Variants in MAPK14 observed in about 807,000 individuals in gnomAD.
MAPK14 encodes CSAID-binding protein.
A neutral mutation model predicts 49.6 loss-of-function variants in MAPK14; 16 were observed. The observed-to-expected ratio is 0.32, with a 90% CI of 0.22 to 0.49. The LOEUF (loss-of-function observed/expected upper bound fraction) is 0.49, where lower values mean the gene tolerates loss of function less well. MAPK14 is among the 20% of genes least tolerant of loss of function. The pLI, the probability that MAPK14 is intolerant of heterozygous loss-of-function variation, is 0.99. For missense variants in MAPK14, 200 were observed against 441.2 expected (o/e 0.45, Z 4.90); for synonymous variants, 142 against 158.0 (o/e 0.90, Z 0.76).
intron 1 of MAPK14, among the ~76,000 whole-genome samples, chr6:36,042,741 T>G (rs1055227333): frequency 2.0e-4 from 31 of 151,816 alleles, no homozygotes; most frequent in Non-Finnish European, 2.8e-4. Context: ...AGCTCAAGCT[T>G]CCTCCTGCCT....
Position 36,052,683 on chromosome 6 carries a change from C to A in MAPK14, c.117-16C>A, listed in dbSNP as rs903346549. On this transcript the variant is annotated splice_polypyrimidine_tract_variant and intron_variant, in intron 1 of 11. Transcript: ENST00000229794. ...CAGCTTTTTAATGGTGGGTTTTTTC[C>A]CTTTTTTCTCCTTAGTGCTGCTTTT... 3 of 1,579,162 alleles carry A rather than the reference C, an allele frequency of 1.9e-6. No individual in the cohort carries two copies. Among genetic ancestry groups the A allele is most frequent in the Non-Finnish European group, 2.6e-6 (3 of 1,166,936 alleles).
At chr6:36,053,905 A>G (rs1316946623) in intron 2 of MAPK14, among the ~76,000 whole-genome samples, 7 of 151,790 alleles carry the variant, frequency 4.6e-5, no homozygotes, top group African/African-American at 1.7e-4. Context: ...TTATTTTCAC[A>G]TTTTATTTTG....
chr6:36,087,044 C>G (rs1191832591), intron 8 of MAPK14, among the ~76,000 whole-genome samples: 2 of 152,160 alleles, frequency 1.3e-5, no homozygotes, highest in African/African-American at 4.8e-5. Flanking sequence ...AAGGCAAAAA[C>G]CACATGATTA....
chr6:36,093,659 C>G (rs1424028555), intron 8 of MAPK14, among the ~76,000 whole-genome samples: 1 of 139,930 alleles, frequency 7.1e-6, no homozygotes, highest in African/African-American at 2.7e-5. Flanking sequence ...GTGGAACTTG[C>G]AGTGAGCCGA....
At chr6:36,102,922 A>G (rs16884906) in intron 10 of MAPK14, among the ~76,000 whole-genome samples, 20,951 of 152,158 alleles carry the variant, frequency 0.14, 1,751 homozygotes, top group African/African-American at 0.24. Flanking sequence ...ATGTTGAGAG[A>G]AAAGATTGGT....
intron 1 of MAPK14, chr6:36,029,079 A>G (rs1293925404): frequency 6.6e-6 from 1 of 152,128 alleles, no homozygotes; most frequent in African/African-American, 2.4e-5. Context: ...TGTTCGACAA[A>G]ACAATTTTCT....
downstream of MAPK14, among the ~76,000 whole-genome samples, chr6:36,115,049 C>T (rs1197653275): frequency 6.6e-6 from 1 of 152,132 alleles, no homozygotes; most frequent in Admixed American, 6.5e-5. Flanking sequence ...CTTCTGAGGA[C>T]AAATGGTCCT....
intron 1 of MAPK14, among the ~76,000 whole-genome samples, chr6:36,045,233 C>A (rs1430125828): frequency 6.6e-6 from 1 of 152,066 alleles, no homozygotes; most frequent in African/African-American, 2.4e-5. Context: ...CTGATGGATG[C>A]TCTAAAAAGA....
intron 8 of MAPK14, among the ~76,000 whole-genome samples, chr6:36,086,865 CTGA>C (rs1765006531): frequency 6.6e-6 from 1 of 152,198 alleles, no homozygotes; most frequent in South Asian, 2.1e-4. Context: ...GCCAATATCC[CTGA>C]TGAACATCGA....
At chr6:36,118,671 G>T in the MAPK14 span, among the ~76,000 whole-genome samples, 44 of 152,334 alleles carry the variant, frequency 2.9e-4, no homozygotes, top group Admixed American at 2.1e-3. Flanking sequence ...CTGGGCCATT[G>T]CTCAAGTATG....
intron 8 of MAPK14, among the ~76,000 whole-genome samples, chr6:36,095,773 A>T (rs1765421365): frequency 6.6e-6 from 1 of 152,140 alleles, no homozygotes; most frequent in Non-Finnish European, 1.5e-5. Context: ...TGTGTTTGGT[A>T]GCATTTTGAA....
downstream of MAPK14, among the ~76,000 whole-genome samples, chr6:36,111,914 A>G (rs1765980386): frequency 6.6e-6 from 1 of 152,182 alleles, no homozygotes; most frequent in South Asian, 2.1e-4. Flanking sequence ...CCTGTTAAGA[A>G]TCAGACAGTT....
At chr6:36,075,121 G>A (rs1156337786) in intron 6 of MAPK14, among the ~76,000 whole-genome samples, 1 of 150,144 alleles carries the variant, frequency 6.7e-6, no homozygotes, top group East Asian at 2.0e-4. Context: ...AGCTACTTGA[G>A]AGGCTGAGGC....
intron 1 of MAPK14, among the ~76,000 whole-genome samples, chr6:36,045,535 G>A (rs1045329020): frequency 2.0e-5 from 3 of 152,150 alleles, no homozygotes; most frequent in Non-Finnish European, 4.4e-5. Flanking sequence ...CTGGCCGGGT[G>A]TGGTGGCTCA....
At chr6:36,117,180 A>G in the MAPK14 span, among the ~76,000 whole-genome samples, 1 of 151,926 alleles carries the variant, frequency 6.6e-6, no homozygotes, top group Non-Finnish European at 1.5e-5. Flanking sequence ...TCGCTTCTCT[A>G]CTCATCTGGG....
At chr6:36,050,770 A>G (rs1182423357) in intron 1 of MAPK14, among the ~76,000 whole-genome samples, 1 of 152,212 alleles carries the variant, frequency 6.6e-6, no homozygotes, top group African/African-American at 2.4e-5. Context: ...CCTGCTAGCC[A>G]GGAGGTATCT....
At chr6:36,113,522 T>G (rs190464713), downstream of MAPK14, among the ~76,000 whole-genome samples, 108 of 152,302 alleles carry the variant, frequency 7.1e-4, no homozygotes, top group African/African-American at 2.4e-3. Flanking sequence ...TGGATAGATG[T>G]GCAACATACA....
At chr6:36,100,628 TC>T (rs1418591621) in intron 9 of MAPK14, among the ~76,000 whole-genome samples, 1 of 152,154 alleles carries the variant, frequency 6.6e-6, no homozygotes, top group Non-Finnish European at 1.5e-5. Flanking sequence ...TTCCAATTCA[TC>T]CATTTTTTTA....
At chr6:36,104,735 A>G (rs930027558) in intron 10 of MAPK14, among the ~76,000 whole-genome samples, 4 of 152,126 alleles carry the variant, frequency 2.6e-5, no homozygotes, top group Admixed American at 2.0e-4. Flanking sequence ...GTTTCATTTT[A>G]TAAGCCTTAA....
Sources: allele counts gnomAD v4.1 joint callset (sites outside exome capture counted in the v4.1 genomes callset), GRCh38; gene constraint gnomAD v4.1.1; transcripts MANE v1.5; gene names NCBI Gene and HGNC (gene_info 2026-07-23, HGNC 2026-07-21).